Variants in PTPRN2 observed in about 807,000 individuals in gnomAD.
PTPRN2 encodes the protein protein tyrosine phosphatase receptor type N2, also known as receptor-type tyrosine-protein phosphatase N2.
PTPRN2 carries 74 observed loss-of-function variants against 118.8 expected under a neutral mutation model. That is an observed-to-expected ratio of 0.62 (90% CI 0.52 to 0.76). The LOEUF (loss-of-function observed/expected upper bound fraction) is 0.76, where lower values mean the gene tolerates loss of function less well. Among genes scored for constraint, PTPRN2 ranks in the 30% least tolerant of loss-of-function variants. The pLI, the probability that PTPRN2 is intolerant of heterozygous loss-of-function variation, is 0.00. For synonymous variants in PTPRN2, 641 were observed against 608.0 expected (o/e 1.05, Z -0.80); for missense variants, 1,481 against 1,394.4 (o/e 1.06, Z -0.99).
intron 6 of PTPRN2, among the ~76,000 whole-genome samples, chr7:158,139,812 T>C (rs1446516326): frequency 6.6e-6 from 1 of 152,200 alleles, no homozygotes; most frequent in Non-Finnish European, 1.5e-5. Context: ...AGTCAGGCAT[T>C]TGACGTTACA....
intron 6 of PTPRN2, among the ~76,000 whole-genome samples, chr7:158,159,563 A>G (rs1158399593): frequency 6.6e-6 from 1 of 152,226 alleles, no homozygotes; most frequent in African/African-American, 2.4e-5. Flanking sequence ...GATGAAAGAA[A>G]GGGTTCTAAC....
At chr7:158,337,579 C>A (rs113333312) in intron 2 of PTPRN2, among the ~76,000 whole-genome samples, 1 of 89,352 alleles carries the variant, frequency 1.1e-5, no homozygotes, top group Non-Finnish European at 2.5e-5. Context: ...ATTGGTGACA[C>A]CTGCAGACGT....
At chr7:158,414,889 C>T (rs966061994) in intron 2 of PTPRN2, among the ~76,000 whole-genome samples, 4 of 152,250 alleles carry the variant, frequency 2.6e-5, no homozygotes, top group Non-Finnish European at 4.4e-5. Context: ...TGAGGAGGGG[C>T]GGGGGAAGGT....
At chr7:158,065,046 A>G (rs1472559858) in intron 11 of PTPRN2, among the ~76,000 whole-genome samples, 1 of 152,260 alleles carries the variant, frequency 6.6e-6, no homozygotes, top group African/African-American at 2.4e-5. Flanking sequence ...GCATCTGGTA[A>G]TTGACTGTAA....
intron 12 of PTPRN2, among the ~76,000 whole-genome samples, chr7:157,706,678 G>A (rs1174219033): frequency 2.0e-5 from 3 of 151,326 alleles, no homozygotes; most frequent in African/African-American, 7.3e-5. Flanking sequence ...TCTGACCCAG[G>A]TGCCTTCTGG....
intron 2 of PTPRN2, among the ~76,000 whole-genome samples, chr7:158,480,843 C>G (rs1194820281): frequency 6.6e-6 from 1 of 152,246 alleles, no homozygotes. Context: ...CAGAAGAAAA[C>G]TCTGAAGCTC....
intron 14 of PTPRN2, among the ~76,000 whole-genome samples, chr7:157,630,221 G>A (rs568403957): frequency 6.6e-6 from 1 of 152,258 alleles, no homozygotes; most frequent in African/African-American, 2.4e-5. Flanking sequence ...GCTGCATCTG[G>A]CATATTTTAA....
chr7:157,922,866 T>C (rs1798763923), intron 11 of PTPRN2, among the ~76,000 whole-genome samples: 1 of 152,250 alleles, frequency 6.6e-6, no homozygotes, highest in Non-Finnish European at 1.5e-5. Context: ...CAAAAACCTA[T>C]TTGCTGTGCT....
intron 12 of PTPRN2, among the ~76,000 whole-genome samples, chr7:157,747,043 C>T (rs1340538481): frequency 3.1e-4 from 43 of 137,764 alleles, no homozygotes; most frequent in African/African-American, 5.2e-4. Flanking sequence ...CTGAGGCCTG[C>T]GTCCCTGAGC....
At chr7:158,245,531 C>T (rs999483696) in intron 3 of PTPRN2, among the ~76,000 whole-genome samples, 4 of 152,266 alleles carry the variant, frequency 2.6e-5, no homozygotes, top group Admixed American at 1.3e-4. Context: ...GCCTTTCATC[C>T]GAGCCGACCT....
chr7:158,305,958 T>A (rs1801257025), intron 3 of PTPRN2, among the ~76,000 whole-genome samples: 1 of 152,140 alleles, frequency 6.6e-6, no homozygotes. Flanking sequence ...ACCAACAGCC[T>A]GGAAGCCACC....
chr7:157,565,506 G>A (rs184711348), intron 21 of PTPRN2, among the ~76,000 whole-genome samples: 32 of 152,216 alleles, frequency 2.1e-4, no homozygotes, highest in African/African-American at 6.5e-4. Context: ...ACCCTCTTCC[G>A]GCCCAGGCGC....
At chr7:158,189,533 G>A (rs974969889) in intron 5 of PTPRN2, among the ~76,000 whole-genome samples, 4 of 152,190 alleles carry the variant, frequency 2.6e-5, no homozygotes, top group African/African-American at 9.7e-5. Context: ...GCCCTTGGAC[G>A]TCAGTCTAGG....
In PTPRN2 at chr7:158,273,797, G is replaced by A. The variant is rs113663170; in HGVS notation, c.277+43022C>T. 1.7e-3 allele frequency among the ~76,000 whole-genome samples: 102 copies of A among 59,788 alleles called. 1 individual carries two copies. Among genetic ancestry groups the A allele is most frequent in the Admixed American group, 0.012 (67 of 5,478 alleles). 39.2% of individuals were successfully genotyped at this position (59,788 alleles called of 152,430 possible). ...GGAGGAGCCGCAGACACGGGGAGCC[G>A]CAGACACAGGGGGAGCCGCAGGCAT... On this transcript the variant is annotated intron_variant, in intron 3 of 22. Transcript: ENST00000389418.
intron 21 of PTPRN2, among the ~76,000 whole-genome samples, chr7:157,564,185 G>T (rs530392525): frequency 6.6e-6 from 1 of 152,188 alleles, no homozygotes; most frequent in African/African-American, 2.4e-5. Context: ...AGGCTGGAGC[G>T]CAATGGTGCG....
chr7:157,852,844 G>A (rs893977929), intron 12 of PTPRN2, among the ~76,000 whole-genome samples: 2 of 130,886 alleles, frequency 1.5e-5, no homozygotes, highest in African/African-American at 5.9e-5. Context: ...ACTCCAGCTC[G>A]GCAACACAGC....
chr7:158,543,199 C>CA (rs1343768049), intron 1 of PTPRN2, among the ~76,000 whole-genome samples: 1 of 152,258 alleles, frequency 6.6e-6, no homozygotes, highest in Non-Finnish European at 1.5e-5. Context: ...GATGTGGCTG[C>CA]AGACAGCACC....
At chr7:157,546,863 C>T (rs1485489356) in intron 22 of PTPRN2, among the ~76,000 whole-genome samples, 1 of 152,228 alleles carries the variant, frequency 6.6e-6, no homozygotes, top group Non-Finnish European at 1.5e-5. Flanking sequence ...ATCTGTGTGC[C>T]AGGAAGGGCT....
At chr7:157,584,606 C>T (rs985649200) in intron 17 of PTPRN2, among the ~76,000 whole-genome samples, 5 of 152,242 alleles carry the variant, frequency 3.3e-5, no homozygotes, top group East Asian at 1.9e-4. Context: ...GCGGGGCCCA[C>T]GCAATTCTGC....
Sources: gnomAD v4.1 joint callset for allele counts (sites outside exome capture counted in the v4.1 genomes callset) on GRCh38, gnomAD v4.1.1 for gene constraint, MANE v1.5 for transcripts, NCBI Gene and HGNC (gene_info 2026-07-23, HGNC 2026-07-21) for gene names.